Variants in GRM8 observed in about 807,000 individuals in gnomAD.
The protein encoded by GRM8 is glutamate metabotropic receptor 8.
Under a neutral mutation model 87.2 loss-of-function variants are expected in GRM8, and 47 were observed. That is an observed-to-expected ratio of 0.54 (90% confidence interval 0.43 to 0.69). The LOEUF is 0.69. Ranked by LOEUF, GRM8 falls within the 30% of genes least tolerant of loss-of-function variation. GRM8 has a pLI of 0.00. For missense variants in GRM8, 1,019 were observed against 1,139.2 expected (o/e 0.89, Z 1.52); for synonymous variants, 396 against 404.5 (o/e 0.98, Z 0.25).
At chr7:126,614,477 C>T (rs568212099) in intron 7 of GRM8, among the ~76,000 whole-genome samples, 222 of 152,306 alleles carry the variant, frequency 1.5e-3, no homozygotes, top group African/African-American at 5.1e-3. Context: ...CACCTCTCCC[C>T]CTCCAAAGGA....
chr7:126,706,791 G>A (rs1355415680), intron 7 of GRM8, among the ~76,000 whole-genome samples: 3 of 152,144 alleles, frequency 2.0e-5, no homozygotes, highest in African/African-American at 7.2e-5. Flanking sequence ...ATAAGATACT[G>A]TAAGTCTGGT....
chr7:127,081,960 G>C (rs1302270763), intron 3 of GRM8: 9 of 152,226 alleles, frequency 5.9e-5, no homozygotes, highest in Non-Finnish European at 1.2e-4. Context: ...CCTTGGACTT[G>C]GCCTCAGAAA....
chr7:126,575,346 A>G (rs1795020318), intron 8 of GRM8, among the ~76,000 whole-genome samples: 2 of 151,716 alleles, frequency 1.3e-5, no homozygotes, highest in East Asian at 1.9e-4. Flanking sequence ...TTGCAGGAAA[A>G]TAAGCTCAGG....
chr7:126,888,906 T>G (rs1431323856), intron 6 of GRM8, among the ~76,000 whole-genome samples: 1 of 152,092 alleles, frequency 6.6e-6, no homozygotes, highest in East Asian at 1.9e-4. Context: ...ATCACAGTGA[T>G]GTAAGCAAAC....
chr7:127,156,800 T>C (rs1792760092), intron 2 of GRM8, among the ~76,000 whole-genome samples: 1 of 152,108 alleles, frequency 6.6e-6, no homozygotes, highest in Admixed American at 6.5e-5. Flanking sequence ...AGAGAGATTA[T>C]TGATAACATG....
At chr7:127,068,423 T>C (rs1268616206) in intron 3 of GRM8, among the ~76,000 whole-genome samples, 1 of 152,142 alleles carries the variant, frequency 6.6e-6, no homozygotes, top group Non-Finnish European at 1.5e-5. Context: ...ACTAACCATT[T>C]GTGGATGCAT....
intron 3 of GRM8, among the ~76,000 whole-genome samples, chr7:127,057,041 A>G (rs1820067735): frequency 6.6e-6 from 1 of 151,096 alleles, no homozygotes; most frequent in Non-Finnish European, 1.5e-5. Context: ...CATATGAGTG[A>G]AAAAAAAAAT....
intron 7 of GRM8, among the ~76,000 whole-genome samples, chr7:126,660,705 C>A (rs977721508): frequency 6.6e-6 from 1 of 152,138 alleles, no homozygotes; most frequent in Non-Finnish European, 1.5e-5. Flanking sequence ...CTTAATTATT[C>A]TTTTCTCAGA....
intron 2 of GRM8, among the ~76,000 whole-genome samples, chr7:127,156,446 C>T (rs926220976): frequency 7.2e-5 from 11 of 152,154 alleles, no homozygotes; most frequent in Non-Finnish European, 1.2e-4. Context: ...AGAGAGCAGG[C>T]TCAGAGCAGA....
chr7:126,518,203 G>A (rs193230380), intron 9 of GRM8, among the ~76,000 whole-genome samples: 163 of 152,072 alleles, frequency 1.1e-3, no homozygotes, highest in Non-Finnish European at 7.2e-4. Context: ...AATGTGAAGC[G>A]AAATAAAAAA....
chr7:127,180,949 A>G (rs910833466), intron 2 of GRM8, among the ~76,000 whole-genome samples: 3 of 151,980 alleles, frequency 2.0e-5, no homozygotes, highest in Non-Finnish European at 4.4e-5. Flanking sequence ...AAGGATGCCC[A>G]CTCTTACCAC....
At chr7:126,512,939 T>A (rs375777130) in intron 9 of GRM8, 1 of 152,120 alleles carries the variant, frequency 6.6e-6, no homozygotes, top group Non-Finnish European at 1.5e-5. Flanking sequence ...TGTGACTTGA[T>A]AGATTGAAGA....
intron 7 of GRM8, among the ~76,000 whole-genome samples, chr7:126,688,491 G>C (rs1808411651): frequency 6.6e-6 from 1 of 152,098 alleles, no homozygotes; most frequent in Non-Finnish European, 1.5e-5. Context: ...TAGAGACATA[G>C]TTTCGCTTAG....
At chr7:126,718,410 A>G (rs1366751315) in intron 7 of GRM8, among the ~76,000 whole-genome samples, 1 of 152,120 alleles carries the variant, frequency 6.6e-6, no homozygotes, top group Non-Finnish European at 1.5e-5. Context: ...TAGTTGATTC[A>G]CAGATTTTTT....
chr7:126,690,813 C>T (rs1367911676), intron 7 of GRM8, among the ~76,000 whole-genome samples: 2 of 152,152 alleles, frequency 1.3e-5, no homozygotes, highest in Non-Finnish European at 2.9e-5. Flanking sequence ...ATTGTCTGCT[C>T]AGCTCTCAGC....
intron 3 of GRM8, among the ~76,000 whole-genome samples, chr7:127,068,528 G>T (rs17865397): frequency 1.3e-5 from 2 of 152,122 alleles, no homozygotes; most frequent in Non-Finnish European, 2.9e-5. Context: ...TCAGGTTGAG[G>T]GAAAACCTTC....
At chr7:126,863,406 T>C (rs533238629) in intron 6 of GRM8, among the ~76,000 whole-genome samples, 2 of 152,166 alleles carry the variant, frequency 1.3e-5, no homozygotes, top group Non-Finnish European at 2.9e-5. Context: ...TCTAAACAGT[T>C]AATATGTTTT....
chr7:127,217,639 C>T (rs549548791), intron 2 of GRM8, among the ~76,000 whole-genome samples: 13 of 152,288 alleles, frequency 8.5e-5, no homozygotes, highest in Admixed American at 1.3e-4. Flanking sequence ...GCTATAAAAC[C>T]AGGATGTGGC....
chr7:126,686,733 C>A (rs897210007), intron 7 of GRM8, among the ~76,000 whole-genome samples: 7 of 152,176 alleles, frequency 4.6e-5, no homozygotes, highest in African/African-American at 1.7e-4. Context: ...AGGATCCAGG[C>A]CAGTAGTGTA....
Sources: allele counts gnomAD v4.1 joint callset (sites outside exome capture counted in the v4.1 genomes callset), GRCh38; gene constraint gnomAD v4.1.1; transcripts MANE v1.5; gene names NCBI Gene and HGNC (gene_info 2026-07-23, HGNC 2026-07-21).